SGCG: variants seen among roughly 807,000 people sequenced by gnomAD.
SGCG encodes sarcoglycan gamma.
Under a neutral mutation model 29.3 loss-of-function variants are expected in SGCG, and 26 were observed. The ratio of observed to expected loss-of-function variants is 0.89; its 90% CI spans 0.65 to 1.23. The LOEUF (loss-of-function observed/expected upper bound fraction) is 1.23. SGCG is among the 50% of genes most tolerant of loss of function. The pLI, the probability that SGCG is intolerant of heterozygous loss-of-function variation, is 0.00. For missense variants in SGCG, 353 were observed against 356.0 expected (o/e 0.99, Z 0.07); for synonymous variants, 145 against 129.7 (o/e 1.12, Z -0.80).
intron 3 of SGCG, among the ~76,000 whole-genome samples, chr13:23,236,626 C>T (rs1212962434): frequency 2.0e-5 from 3 of 151,914 alleles, no homozygotes; most frequent in African/African-American, 4.8e-5. Flanking sequence ...TGCAGTGAGC[C>T]GAGATCATGC....
chr13:23,264,928 C>G (rs1880580866), intron 4 of SGCG, among the ~76,000 whole-genome samples: 1 of 152,066 alleles, frequency 6.6e-6, no homozygotes, highest in Admixed American at 6.6e-5. Context: ...CAAAAATTAG[C>G]TCTAGATGGG....
At chr13:23,293,973 T>C (rs985706514) in intron 5 of SGCG, among the ~76,000 whole-genome samples, 2 of 152,190 alleles carry the variant, frequency 1.3e-5, no homozygotes, top group African/African-American at 4.8e-5. Flanking sequence ...AAGGGTTGAT[T>C]TAAAAATAAA....
chr13:23,241,867 T>C (rs950127433), intron 3 of SGCG, among the ~76,000 whole-genome samples: 1 of 152,088 alleles, frequency 6.6e-6, no homozygotes, highest in African/African-American at 2.4e-5. Flanking sequence ...AGAAAAAGCA[T>C]TTGATAAAAT....
intron 4 of SGCG, among the ~76,000 whole-genome samples, chr13:23,251,281 T>C (rs955130896): frequency 6.6e-6 from 1 of 152,242 alleles, no homozygotes; most frequent in Admixed American, 6.5e-5. Context: ...ACGCAAATTC[T>C]AAATCCACAA....
At position 23,286,989 on chromosome 13, in the gene SGCG, G is replaced by C. The variant is rs145128285; in HGVS notation, c.505+7511G>C. Among the ~76,000 whole-genome samples the C allele has an allele frequency of 1.8e-3, 280 of 152,314 alleles. 1 individual carries two copies. The highest frequency in any genetic ancestry group is 6.5e-3 in the African/African-American group (270 of 41,572). On this transcript the variant is annotated intron_variant, in intron 5 of 7. Coordinates refer to ENST00000218867, the MANE Select transcript of SGCG (RefSeq NM_000231.3). ...GATAAGGGGGGACTATTGAATTATA[G>C]CTTTATCGCCAATGGTAAACATTTA...
intron 1 of SGCG, among the ~76,000 whole-genome samples, chr13:23,181,743 C>T (rs1426462245): frequency 6.6e-6 from 1 of 152,118 alleles, no homozygotes; most frequent in Non-Finnish European, 1.5e-5. Flanking sequence ...GTTATGAGTT[C>T]TTTCTTTGCG....
chr13:23,198,382 A>G (rs1436253299), intron 1 of SGCG, among the ~76,000 whole-genome samples: 1 of 152,208 alleles, frequency 6.6e-6, no homozygotes, highest in African/African-American at 2.4e-5. Context: ...AAGACAGATT[A>G]TCTGTCCTTA....
At chr13:23,173,039 T>C in the SGCG span, among the ~76,000 whole-genome samples, 6 of 152,188 alleles carry the variant, frequency 3.9e-5, no homozygotes, top group African/African-American at 1.2e-4. Flanking sequence ...TCTGAACCAA[T>C]TGAAAAACAG....
At position 23,234,645 on chromosome 13, in the gene SGCG, G is replaced by C. The variant is rs886043950; in HGVS notation, c.230G>C (p.Gly77Ala). The change falls in exon 3 of 8, where the codon GGA becomes GCA. Residue 77 changes from glycine to alanine, a missense_variant. Gly to Ala is a moderately conservative substitution (Grantham distance 60). Coordinates refer to ENST00000218867, the MANE Select transcript of SGCG (RefSeq NM_000231.3). ...GMGHLCVTKD[G>A]LRLEGESEFL... ...GGCCACTTGTGTGTAACAAAAGATGGACTGCGCTTGGAAGGGGAATCAGAA... is the reference window on the plus strand; with the variant it reads ...GGCCACTTGTGTGTAACAAAAGATGCACTGCGCTTGGAAGGGGAATCAGAA... 2.5e-6 allele frequency: 4 copies of C among 1,612,778 alleles called. No homozygotes were observed. In the African/African-American group the frequency reaches 4.0e-5, roughly 16 times the overall value.
chr13:23,279,359 G>T lies in SGCG; in HGVS notation c.386G>T (p.Gly129Val), dbSNP rs866412938. ...EGEVTGRLKV[G>V]PKMVEVQNQQ... ...ATAATAAACTGTTTTAATTCTTCAG[G>T]TCCCAAAATGGTAGAAGTCCAGAAT... Residue 129 changes from glycine to valine, a missense_variant and splice_region_variant, in exon 5 of 8, where the codon GGT (glycine) becomes GTT (valine). Gly to Val is a moderately radical substitution (Grantham distance 109, BLOSUM62 -3). Coordinates refer to ENST00000218867, the MANE Select transcript of SGCG (RefSeq NM_000231.3). 6.2e-7 allele frequency: 1 copy of T among 1,612,284 alleles called. No individual in the cohort carries two copies. Among genetic ancestry groups the T allele is most frequent in the Non-Finnish European group, 8.5e-7 (1 of 1,178,974 alleles).
intron 3 of SGCG, among the ~76,000 whole-genome samples, chr13:23,236,584 A>C (rs1044178485): frequency 6.6e-6 from 1 of 152,086 alleles, no homozygotes; most frequent in Non-Finnish European, 1.5e-5. Flanking sequence ...AGGCTGAGGC[A>C]GGAGAATGGC....
At chr13:23,238,417 C>G (rs1002171536) in intron 3 of SGCG, among the ~76,000 whole-genome samples, 4 of 152,130 alleles carry the variant, frequency 2.6e-5, no homozygotes, top group Non-Finnish European at 4.4e-5. Flanking sequence ...TAGTGAAATA[C>G]CCACTCTAAG....
At chr13:23,265,907 T>G (rs1244372670) in intron 4 of SGCG, among the ~76,000 whole-genome samples, 3 of 152,198 alleles carry the variant, frequency 2.0e-5, no homozygotes, top group Non-Finnish European at 2.9e-5. Context: ...GCAATCCCAC[T>G]GCTGGGTATC....
At chr13:23,227,367 G>C (rs1333617736) in intron 2 of SGCG, among the ~76,000 whole-genome samples, 3 of 150,568 alleles carry the variant, frequency 2.0e-5, no homozygotes, top group Admixed American at 2.0e-4. Context: ...CAAGAATGCG[G>C]AACAACTATA....
intron 4 of SGCG, among the ~76,000 whole-genome samples, chr13:23,251,322 C>G (rs1266188726): frequency 6.6e-6 from 1 of 152,190 alleles, no homozygotes; most frequent in Admixed American, 6.5e-5. Context: ...TCATCTGTCC[C>G]ACCACATTCC....
intron 4 of SGCG, among the ~76,000 whole-genome samples, chr13:23,272,753 T>C (rs764396893): frequency 6.6e-6 from 1 of 152,222 alleles, no homozygotes; most frequent in East Asian, 1.9e-4. Context: ...TTGGTTCTTT[T>C]ATGTGGGGTA....
intron 4 of SGCG, among the ~76,000 whole-genome samples, chr13:23,270,224 A>G (rs1440286390): frequency 6.6e-6 from 1 of 152,104 alleles, no homozygotes; most frequent in African/African-American, 2.4e-5. Flanking sequence ...TAGAAGTGGG[A>G]TTGTGGATAT....
At chr13:23,172,889 G>T in the SGCG span, among the ~76,000 whole-genome samples, 3 of 152,202 alleles carry the variant, frequency 2.0e-5, no homozygotes, top group Admixed American at 6.5e-5. Flanking sequence ...AAGGGTTAAA[G>T]AAGGACACAT....
intron 6 of SGCG, among the ~76,000 whole-genome samples, chr13:23,298,193 T>C (rs1881984044): frequency 6.6e-6 from 1 of 151,856 alleles, no homozygotes; most frequent in South Asian, 2.1e-4. Context: ...CCATCTCTAC[T>C]AAAAATACAA....
Sources: gnomAD v4.1 joint callset for allele counts (sites outside exome capture counted in the v4.1 genomes callset) on GRCh38, gnomAD v4.1.1 for gene constraint, MANE v1.5 for transcripts, NCBI Gene and HGNC (gene_info 2026-07-23, HGNC 2026-07-21) for gene names.